The following RORA variants were observed in gnomAD, a reference collection of about 807,000 sequenced individuals.
RORA encodes RAR related orphan receptor A.
RORA carries 7 observed loss-of-function variants against 69.5 expected under a neutral mutation model. The ratio of observed to expected loss-of-function variants is 0.10; its 90% CI spans 0.06 to 0.19. The LOEUF (loss-of-function observed/expected upper bound fraction) is 0.19, where lower values mean the gene tolerates loss of function less well. Ranked by LOEUF, RORA falls within the 10% of genes least tolerant of loss-of-function variation. The pLI, the probability that RORA is intolerant of heterozygous loss-of-function variation, is 1.00. For synonymous variants in RORA, 261 were observed against 240.8 expected, an observed-to-expected ratio of 1.08 and a Z score of -0.78; for missense variants, 457 against 663.0, an observed-to-expected ratio of 0.69 and a Z score of 3.41.
At chr15:60,986,051 T>C (rs1894192886) in intron 1 of RORA, among the ~76,000 whole-genome samples, 1 of 152,198 alleles carries the variant, frequency 6.6e-6, no homozygotes, top group Non-Finnish European at 1.5e-5. Context: ...GACTTCCTGG[T>C]GGTCCCACAG....
intron 1 of RORA, among the ~76,000 whole-genome samples, chr15:61,211,300 A>AT (rs5813086): frequency 0.1 from 15,799 of 150,676 alleles, 1,511 homozygotes; most frequent in East Asian, 0.23. Flanking sequence ...AAAAAAAAAA[A>AT]AAAGGATCAT....
At chr15:60,922,157 T>G (rs1465374714) in intron 1 of RORA, among the ~76,000 whole-genome samples, 1 of 152,166 alleles carries the variant, frequency 6.6e-6, no homozygotes, top group Non-Finnish European at 1.5e-5. Flanking sequence ...AGATCAGTGG[T>G]TGTTGGGGCT....
intron 1 of RORA, among the ~76,000 whole-genome samples, chr15:60,833,029 T>C (rs1003393656): frequency 2.6e-5 from 4 of 151,842 alleles, no homozygotes; most frequent in South Asian, 2.1e-4. Context: ...CTCAGCCTCC[T>C]GAGTAGCTGG....
chr15:60,584,688 C>A (rs1165186991), intron 2 of RORA, among the ~76,000 whole-genome samples: 1 of 152,150 alleles, frequency 6.6e-6, no homozygotes, highest in African/African-American at 2.4e-5. Flanking sequence ...TTTTCACCCA[C>A]TGTTCTACAG....
intron 2 of RORA, among the ~76,000 whole-genome samples, chr15:60,591,776 C>G (rs1567110863): frequency 6.6e-6 from 1 of 152,152 alleles, no homozygotes; most frequent in African/African-American, 2.4e-5. Flanking sequence ...GGCCCGCGCG[C>G]TTTCGGAAGT....
At chr15:61,028,748 C>T (rs562823153) in intron 1 of RORA, among the ~76,000 whole-genome samples, 5 of 152,092 alleles carry the variant, frequency 3.3e-5, no homozygotes, top group African/African-American at 9.7e-5. Flanking sequence ...TCAACTGATG[C>T]GTGGGCAAAT....
chr15:60,939,838 T>G (rs1892637997), intron 1 of RORA, among the ~76,000 whole-genome samples: 1 of 152,224 alleles, frequency 6.6e-6, no homozygotes, highest in Non-Finnish European at 1.5e-5. Flanking sequence ...CCTCTTGCAC[T>G]TAGAATGGCT....
intron 2 of RORA, among the ~76,000 whole-genome samples, chr15:60,565,776 G>T (rs1047314369): frequency 3.9e-5 from 6 of 152,066 alleles, no homozygotes; most frequent in Non-Finnish European, 8.8e-5. Flanking sequence ...TTATGATGTG[G>T]CCTGAATTGA....
At chr15:60,644,819 A>G (rs1881739659) in intron 2 of RORA, among the ~76,000 whole-genome samples, 1 of 152,162 alleles carries the variant, frequency 6.6e-6, no homozygotes, top group Non-Finnish European at 1.5e-5. Flanking sequence ...TGGAGTATTT[A>G]GGGAGCCTGA....
intron 1 of RORA, among the ~76,000 whole-genome samples, chr15:60,805,791 T>C (rs1192710425): frequency 1.3e-5 from 2 of 152,196 alleles, no homozygotes; most frequent in Non-Finnish European, 2.9e-5. Flanking sequence ...TCACATTACT[T>C]GGTGTCAGTT....
intron 1 of RORA, among the ~76,000 whole-genome samples, chr15:60,827,070 T>C (rs916498895): frequency 6.6e-6 from 1 of 152,206 alleles, no homozygotes; most frequent in Non-Finnish European, 1.5e-5. Flanking sequence ...CATTTCTACA[T>C]GTACTGGGTA....
chr15:60,581,671 A>G (rs1291563481), intron 2 of RORA, among the ~76,000 whole-genome samples: 2 of 152,238 alleles, frequency 1.3e-5, no homozygotes, highest in African/African-American at 4.8e-5. Flanking sequence ...GCTGAATATT[A>G]TCAAACCCCA....
intron 1 of RORA, among the ~76,000 whole-genome samples, chr15:60,733,916 G>GAGAGAC (rs1276515476): frequency 2.3e-5 from 2 of 86,950 alleles, no homozygotes; most frequent in Non-Finnish European, 4.1e-5. Context: ...AATAGGGGCA[G>GAGAGAC]AGAGAGAGAG....
At chr15:60,858,310 A>G (rs2073401911) in intron 1 of RORA, among the ~76,000 whole-genome samples, 1 of 152,128 alleles carries the variant, frequency 6.6e-6, no homozygotes, top group Admixed American at 6.5e-5. Context: ...GTACACTTCT[A>G]AGCAAGTTTT....
chr15:60,922,457 C>A (rs1394948277), intron 1 of RORA, among the ~76,000 whole-genome samples: 5 of 152,250 alleles, frequency 3.3e-5, no homozygotes, highest in African/African-American at 1.2e-4. Flanking sequence ...TTTCTGTGAA[C>A]CTCAAACTGC....
intron 1 of RORA, among the ~76,000 whole-genome samples, chr15:60,846,793 T>C (rs2140409480): frequency 6.6e-6 from 1 of 152,378 alleles, no homozygotes; most frequent in East Asian, 1.9e-4. Flanking sequence ...AAATAGGATA[T>C]TCTAATAAAC....
At chr15:60,894,893 A>G (rs553378423) in intron 1 of RORA, among the ~76,000 whole-genome samples, 14 of 152,340 alleles carry the variant, frequency 9.2e-5, no homozygotes, top group Admixed American at 2.6e-4. Flanking sequence ...AAGGCGGGAA[A>G]TGAAATCGCA....
At chr15:60,966,062 G>A (rs1893546813) in intron 1 of RORA, among the ~76,000 whole-genome samples, 1 of 152,118 alleles carries the variant, frequency 6.6e-6, no homozygotes, top group East Asian at 1.9e-4. Context: ...CCACAGACCT[G>A]GTTCCTTCTG....
At chr15:60,824,709 G>C (rs2072935268) in intron 1 of RORA, among the ~76,000 whole-genome samples, 2 of 152,216 alleles carry the variant, frequency 1.3e-5, no homozygotes, top group African/African-American at 4.8e-5. Context: ...TGAAGATTAA[G>C]TGAGGTGATT....
Sources: gnomAD v4.1 joint callset for allele counts (sites outside exome capture counted in the v4.1 genomes callset) on GRCh38, gnomAD v4.1.1 for gene constraint, MANE v1.5 for transcripts, NCBI Gene and HGNC (gene_info 2026-07-23, HGNC 2026-07-21) for gene names.